Variants in PHF8 observed in about 807,000 individuals in gnomAD.
PHF8 encodes the protein PHD finger protein 8.
In PHF8, 9 loss-of-function variants were observed where a neutral mutation model predicts 74.4. That is an observed-to-expected ratio of 0.12 (90% CI 0.07 to 0.21). The LOEUF is 0.21. Among genes scored for constraint, PHF8 ranks in the 10% least tolerant of loss-of-function variants. The pLI is 1.00. For synonymous variants in PHF8, 311 were observed against 316.6 expected, an observed-to-expected ratio of 0.98 and a Z score of 0.19; for missense variants, 478 against 816.6, an observed-to-expected ratio of 0.59 and a Z score of 5.05.
rs995831060 is a variant in PHF8, at chrX:54,006,005, A to C, written c.947-3323T>G. ...AATTATGTTTCATAGGGAAAGCAAA[A>C]ATTATAAAACTTTGTGATACAGTTC... On this transcript the variant is annotated intron_variant, in intron 8 of 21. Transcript: ENST00000338154. Among the ~76,000 whole-genome samples the C allele has an allele frequency of 5.4e-5, 6 of 112,051 alleles. No homozygotes were observed. In the Admixed American group the frequency reaches 5.7e-4, roughly 11 times the overall value.
intron 18 of PHF8, 97 bp from the exon 19 acceptor site, chrX:53,963,036 G>A: frequency 1.8e-6 from 1 of 569,932 alleles, no homozygotes; most frequent in Non-Finnish European, 3.1e-6. Flanking sequence ...CCCTACAAAT[G>A]TACCTTTTAC....
chrX:53,938,424 A>T lies in PHF8; in HGVS notation c.*734T>A, dbSNP rs1176168368. The stretch of plus-strand genomic sequence containing the variant: ...AAGTGGCCTCATGTGTAGCCAGCTA[A>T]AAGTAGCTTCCTCCAACAGGCTACA... On this transcript the variant is annotated 3_prime_UTR_variant, in exon 22 of 22. Coordinates refer to ENST00000338154, the MANE Select transcript of PHF8 (RefSeq NM_015107.3). 21 of 799,368 alleles carry T rather than the reference A, an allele frequency of 2.6e-5. No homozygotes were observed. The highest frequency in any genetic ancestry group is 3.1e-5 in the Non-Finnish European group (21 of 668,580). The allele number at this position is 799,368 out of a possible 1,213,427, so 65.9% of individuals were successfully genotyped here. A position where few individuals can be genotyped will look rare whatever the true frequency, so the allele number is the denominator to read the frequency against.
intron 2 of PHF8, among the ~76,000 whole-genome samples, chrX:54,032,529 G>A (rs145164357): frequency 7.3e-4 from 81 of 110,355 alleles, no homozygotes; most frequent in African/African-American, 2.6e-3. Context: ...TTTCCTTCAG[G>A]CTCATAGGTA....
chrX:54,017,622 T>C (rs782480468), intron 5 of PHF8, 39 bp downstream of exon 5: 1 of 1,107,700 alleles, frequency 9.0e-7, no homozygotes, highest in Non-Finnish European at 1.2e-6. Context: ...TTGACAGGAA[T>C]GAACAATGTT....
chrX:54,023,968 T>TGGGATTAGGACTTCCC (rs2066222822), intron 2 of PHF8, among the ~76,000 whole-genome samples: 1 of 111,197 alleles, frequency 9.0e-6, no homozygotes, highest in Non-Finnish European at 1.9e-5. Flanking sequence ...ATGGACTTCC[T>TGGGATTAGGACTTCCC]GGGATTAGGA....
upstream of PHF8, chrX:54,044,739 G>T: frequency 1.9e-6 from 1 of 514,930 alleles, no homozygotes; most frequent in Non-Finnish European, 3.0e-6. Context: ...AGGGAGTTCA[G>T]CTACCCCGAC....
chrX:54,009,844 G>GAAAA (rs782363250), intron 8 of PHF8, among the ~76,000 whole-genome samples: 1 of 9,388 alleles, frequency 1.1e-4, no homozygotes, highest in Non-Finnish European at 4.5e-4. Context: ...CTCTGTCTCA[G>GAAAA]AAAAAAAAAA....
chrX:54,035,407 G>A (rs782511032), intron 2 of PHF8, among the ~76,000 whole-genome samples: 1 of 106,724 alleles, frequency 9.4e-6, no homozygotes, highest in Non-Finnish European at 1.9e-5. Context: ...CAATCAAACT[G>A]GTAAAATGTC....
At chrX:54,043,446 G>T (rs782212873) in intron 1 of PHF8, among the ~76,000 whole-genome samples, 5 of 110,765 alleles carry the variant, frequency 4.5e-5, no homozygotes, top group Non-Finnish European at 7.6e-5. Context: ...GACCAGTCAG[G>T]AGTCTCATCA....
At chrX:53,978,703 C>G (rs781988649) in intron 18 of PHF8, among the ~76,000 whole-genome samples, 112 of 106,332 alleles carry the variant, frequency 1.1e-3, no homozygotes, top group Non-Finnish European at 6.9e-4. Context: ...GAGGCTGAGG[C>G]AGGAGATTCA....
intron 19 of PHF8, among the ~76,000 whole-genome samples, chrX:53,949,178 C>CA (rs1323639209): frequency 9.1e-5 from 10 of 109,885 alleles, no homozygotes; most frequent in South Asian, 3.9e-4. Context: ...ACTAAAAATA[C>CA]AAAAAAATTA....
chrX:54,000,792 C>T (rs2065815348), intron 10 of PHF8, among the ~76,000 whole-genome samples: 1 of 112,834 alleles, frequency 8.9e-6, no homozygotes, highest in East Asian at 2.8e-4. Context: ...GATGCCAGGA[C>T]GGTCAGGACT....
At chrX:53,974,828 T>C (rs1410375614) in intron 18 of PHF8, among the ~76,000 whole-genome samples, 1 of 112,039 alleles carries the variant, frequency 8.9e-6, no homozygotes, top group Non-Finnish European at 1.9e-5. Flanking sequence ...AAATACCCCA[T>C]GTTCTCACTT....
At chrX:53,999,065 G>A (rs185284320) in intron 11 of PHF8, among the ~76,000 whole-genome samples, 28 of 112,177 alleles carry the variant, frequency 2.5e-4, no homozygotes, top group South Asian at 1.5e-3. Flanking sequence ...GAGAACTTTG[G>A]TGACACAGGA....
intron 11 of PHF8, among the ~76,000 whole-genome samples, chrX:53,996,469 A>G (rs1164670360): frequency 1.9e-5 from 2 of 106,614 alleles, no homozygotes; most frequent in Middle Eastern, 4.8e-3. Context: ...ATCGTTACGT[A>G]TGGCCCAAGA....
chrX:53,972,321 CAAAAAA>C (rs1236817498), intron 18 of PHF8, among the ~76,000 whole-genome samples: 3 of 34,161 alleles, frequency 8.8e-5, no homozygotes, highest in Non-Finnish European at 1.1e-4. Flanking sequence ...GACGCTGTCT[CAAAAAA>C]AAAAAAAAAA....
At chrX:53,952,609 C>T (rs962799040) in intron 19 of PHF8, among the ~76,000 whole-genome samples, 16 of 110,748 alleles carry the variant, frequency 1.4e-4, no homozygotes, top group African/African-American at 2.3e-4. Flanking sequence ...ATAGGCTGGG[C>T]GCGGTGGCTC....
intron 19 of PHF8, among the ~76,000 whole-genome samples, chrX:53,958,227 A>C (rs2065043519): frequency 9.3e-6 from 1 of 107,558 alleles, no homozygotes; most frequent in African/African-American, 3.4e-5. Flanking sequence ...TTTTTAGTAG[A>C]GACGGGGTTT....
intron 19 of PHF8, among the ~76,000 whole-genome samples, chrX:53,957,816 C>A (rs1400589623): frequency 1.8e-5 from 2 of 111,387 alleles, no homozygotes; most frequent in Non-Finnish European, 3.8e-5. Context: ...TTTTCTCCTT[C>A]TTCCTGACTG....
Sources: allele counts gnomAD v4.1 joint callset (sites outside exome capture counted in the v4.1 genomes callset), GRCh38; gene constraint gnomAD v4.1.1; transcripts MANE v1.5; gene names NCBI Gene and HGNC (gene_info 2026-07-23, HGNC 2026-07-21).